The following MMP26 variants were observed in gnomAD, a reference collection of about 807,000 sequenced individuals.
MMP26 encodes the protein matrix metalloproteinase-26.
MMP26 carries 33 observed loss-of-function variants against 31.0 expected under a neutral mutation model. That is an observed-to-expected ratio of 1.06 (90% CI 0.81 to 1.42). The LOEUF (loss-of-function observed/expected upper bound fraction) is 1.42. MMP26 is among the 40% of genes most tolerant of loss of function. The pLI is 0.00. For missense variants in MMP26, 347 were observed against 316.1 expected (o/e 1.10, Z -0.74); for synonymous variants, 122 against 114.9 (o/e 1.06, Z -0.40).
At chr11:4,826,460 G>C (rs1018864012) in intron 2 of MMP26, among the ~76,000 whole-genome samples, 1 of 152,062 alleles carries the variant, frequency 6.6e-6, no homozygotes, top group Non-Finnish European at 1.5e-5. Flanking sequence ...TTATGCCTAT[G>C]GTTCCAGGTT....
chr11:4,726,794 G>T (rs907147814), intron 1 of MMP26, among the ~76,000 whole-genome samples: 1 of 152,134 alleles, frequency 6.6e-6, no homozygotes, highest in Non-Finnish European at 1.5e-5. Flanking sequence ...ATCGCTTCAG[G>T]CCAGGAGTTT....
At chr11:4,918,471 G>A (rs950830923) in intron 2 of MMP26, among the ~76,000 whole-genome samples, 1 of 152,130 alleles carries the variant, frequency 6.6e-6, no homozygotes, top group Non-Finnish European at 1.5e-5. Context: ...TAGGTTAGAG[G>A]AGGGGACTTG....
At chr11:4,772,085 T>C (rs1848731476) in intron 2 of MMP26, among the ~76,000 whole-genome samples, 1 of 152,170 alleles carries the variant, frequency 6.6e-6, no homozygotes, top group Non-Finnish European at 1.5e-5. Context: ...AGATTATTTG[T>C]ATGATTTATG....
intron 2 of MMP26, among the ~76,000 whole-genome samples, chr11:4,829,997 G>A (rs188607860): frequency 6.6e-6 from 1 of 152,312 alleles, no homozygotes; most frequent in East Asian, 1.9e-4. Context: ...GCTCACTTAA[G>A]AGAGCTCATT....
intron 2 of MMP26, among the ~76,000 whole-genome samples, chr11:4,826,606 G>A (rs1849581199): frequency 6.6e-6 from 1 of 152,040 alleles, no homozygotes; most frequent in Non-Finnish European, 1.5e-5. Context: ...TGATTTGTAG[G>A]AGTCTGGTTG....
chr11:4,774,943 T>A (rs186183568), intron 2 of MMP26, among the ~76,000 whole-genome samples: 1 of 152,148 alleles, frequency 6.6e-6, no homozygotes, highest in East Asian at 1.9e-4. Context: ...GTTGTAGATA[T>A]GTGATCTTAT....
intron 2 of MMP26, among the ~76,000 whole-genome samples, chr11:4,936,550 A>C (rs1846115387): frequency 6.6e-6 from 1 of 152,148 alleles, no homozygotes; most frequent in African/African-American, 2.4e-5. Context: ...AGTCTTACTT[A>C]GATAAAAGAT....
At chr11:4,946,078 C>A in intron 2 of MMP26, 1 of 1,245,714 alleles carries the variant, frequency 8.0e-7, no homozygotes, top group Non-Finnish European at 1.2e-6. Flanking sequence ...GTTGATAATT[C>A]TTGGTGTCAA....
chr11:4,992,334 C>A lies in MMP26; in HGVS notation c.*92C>A. ...AGCACTAGAGCAGCCTTGGGGACTG[C>A]TAGGATGAAGCCCTAAAGAATGCAA... On this transcript the variant is annotated 3_prime_UTR_variant, in exon 8 of 8. Coordinates refer to ENST00000380390, the MANE Select transcript of MMP26 (RefSeq NM_021801.5). 1 of 1,301,528 alleles carries A rather than the reference C, an allele frequency of 7.7e-7. No homozygotes were observed. The allele number at this position is 1,301,528 out of a possible 1,614,324, so 80.6% of individuals were successfully genotyped here. A position where few individuals can be genotyped will look rare whatever the true frequency, so the allele number is the denominator to read the frequency against.
chr11:4,857,879 G>A lies in MMP26; in HGVS notation c.-145+90538G>A, dbSNP rs527392365. On this transcript the variant is annotated intron_variant, in intron 2 of 7. Coordinates refer to ENST00000380390, the MANE Select transcript of MMP26 (RefSeq NM_021801.5). ...GCACATCAAAAAGCTTATCCGCCAC[G>A]ATCATGTTGGCTTCATCCCTGGGAT... Among the ~76,000 whole-genome samples, 43 of 152,266 alleles carry A rather than the reference G, an allele frequency of 2.8e-4. 1 individual carries two copies. The highest frequency in any genetic ancestry group is 3.4e-3 in the Middle Eastern group (1 of 294).
chr11:4,707,570 AAAAT>A (rs1483037654), intron 1 of MMP26, among the ~76,000 whole-genome samples: 2 of 152,216 alleles, frequency 1.3e-5, no homozygotes, highest in Non-Finnish European at 2.9e-5. Flanking sequence ...TTCAACTGGG[AAAAT>A]AAATGTTTTT....
At chr11:4,890,939 T>C (rs1052142442) in intron 2 of MMP26, among the ~76,000 whole-genome samples, 1 of 149,314 alleles carries the variant, frequency 6.7e-6, no homozygotes, top group African/African-American at 2.5e-5. Context: ...AGAGTCAGAA[T>C]GGACTATAGG....
At chr11:4,711,896 AT>A (rs1847867393) in intron 1 of MMP26, 1 of 152,162 alleles carries the variant, frequency 6.6e-6, no homozygotes, top group East Asian at 1.9e-4. Context: ...TAAGTCTGTG[AT>A]TATTTTGCTC....
chr11:4,954,641 G>T, intron 2 of MMP26: 1 of 584,838 alleles, frequency 1.7e-6, no homozygotes. Flanking sequence ...TCAGTATCTA[G>T]AGTGAATAAA....
intron 2 of MMP26, among the ~76,000 whole-genome samples, chr11:4,843,588 C>A (rs971351982): frequency 6.6e-6 from 1 of 152,238 alleles, no homozygotes; most frequent in Non-Finnish European, 1.5e-5. Context: ...CAATGGGGCC[C>A]TGGGCCTGGC....
intron 2 of MMP26, chr11:4,804,174 C>G: frequency 6.2e-7 from 1 of 1,614,146 alleles, no homozygotes; most frequent in Non-Finnish European, 8.5e-7. Flanking sequence ...CAGTGATGGC[C>G]AGCATGGCCA....
chr11:4,891,397 C>A (rs1223996141), intron 2 of MMP26, among the ~76,000 whole-genome samples: 1 of 152,020 alleles, frequency 6.6e-6, no homozygotes, highest in African/African-American at 2.4e-5. Flanking sequence ...TTGTGAGATC[C>A]CACTCACTAT....
chr11:4,988,359 C>T (rs759447198), intron 3 of MMP26, 49 bp downstream of exon 3: 7 of 1,444,116 alleles, frequency 4.8e-6, no homozygotes, highest in Non-Finnish European at 6.8e-6. Flanking sequence ...CCATTGTGGG[C>T]TCTTATTTCG....
chr11:4,903,588 T>A (rs1850835017), intron 2 of MMP26, among the ~76,000 whole-genome samples: 1 of 152,108 alleles, frequency 6.6e-6, no homozygotes, highest in Admixed American at 6.5e-5. Flanking sequence ...CCCTGTAGTT[T>A]GTCTCACAAT....
Sources: gnomAD v4.1 joint callset for allele counts (sites outside exome capture counted in the v4.1 genomes callset) on GRCh38, gnomAD v4.1.1 for gene constraint, MANE v1.5 for transcripts, NCBI Gene and HGNC (gene_info 2026-07-23, HGNC 2026-07-21) for gene names.